JARID2: variants seen among roughly 807,000 people sequenced by gnomAD.
The protein encoded by JARID2 is protein Jumonji.
JARID2 carries 21 observed loss-of-function variants against 125.6 expected under a neutral mutation model. The ratio of observed to expected loss-of-function variants is 0.17; its 90% CI spans 0.12 to 0.24. The LOEUF is 0.24. Ranked by LOEUF, JARID2 falls within the 10% of genes least tolerant of loss-of-function variation. JARID2 has a pLI of 1.00. For missense variants in JARID2, 1,303 were observed against 1,639.6 expected (o/e 0.79, Z 3.55); for synonymous variants, 736 against 661.6 (o/e 1.11, Z -1.73).
At chr6:15,451,595 C>T (rs985491214) in intron 3 of JARID2, among the ~76,000 whole-genome samples, 3 of 152,052 alleles carry the variant, frequency 2.0e-5, no homozygotes, top group South Asian at 2.1e-4. Flanking sequence ...GTTAGATGGA[C>T]GTATAGGATG....
intron 1 of JARID2, among the ~76,000 whole-genome samples, chr6:15,267,598 C>G (rs937796059): frequency 1.3e-5 from 2 of 152,156 alleles, no homozygotes; most frequent in African/African-American, 2.4e-5. Context: ...TTGACTGTTT[C>G]AAGCCATGGC....
At chr6:15,404,663 A>T (rs1561840246) in intron 2 of JARID2, among the ~76,000 whole-genome samples, 1 of 152,210 alleles carries the variant, frequency 6.6e-6, no homozygotes. Flanking sequence ...ACAGGGTGAC[A>T]GACGGCATTG....
chr6:15,285,610 G>A (rs75156228), intron 1 of JARID2, among the ~76,000 whole-genome samples: 1,536 of 152,176 alleles, frequency 0.01, 31 homozygotes, highest in African/African-American at 0.034. Context: ...CAGATAGAGG[G>A]TATCATTGCT....
intron 1 of JARID2, among the ~76,000 whole-genome samples, chr6:15,292,177 C>T (rs867108741): frequency 1.3e-5 from 2 of 151,962 alleles, no homozygotes; most frequent in African/African-American, 2.4e-5. Flanking sequence ...CCACCTCGCC[C>T]GGCTAATTTT....
intron 1 of JARID2, among the ~76,000 whole-genome samples, chr6:15,270,468 C>T (rs973521417): frequency 6.6e-5 from 10 of 152,054 alleles, no homozygotes; most frequent in African/African-American, 2.4e-4. Context: ...GTATTTGATC[C>T]TATTGGTTAG....
intron 4 of JARID2, 44 bp downstream of exon 4, chr6:15,452,219 A>G (rs1318606077): frequency 1.9e-6 from 3 of 1,605,344 alleles, no homozygotes; most frequent in Non-Finnish European, 2.6e-6. Context: ...TGGAATCTAC[A>G]TGTAAGCCTG....
chr6:15,394,057 A>G (rs1242622665), intron 2 of JARID2, among the ~76,000 whole-genome samples: 2 of 152,112 alleles, frequency 1.3e-5, no homozygotes, highest in Admixed American at 1.3e-4. Context: ...ACTTCCGAGG[A>G]ATTTCTCATT....
At chr6:15,502,187 C>T (rs773773219) in intron 8 of JARID2, among the ~76,000 whole-genome samples, 1 of 152,232 alleles carries the variant, frequency 6.6e-6, no homozygotes, top group Non-Finnish European at 1.5e-5. Context: ...GGAGACTCGC[C>T]CCTCCAAGAA....
intron 1 of JARID2, among the ~76,000 whole-genome samples, chr6:15,334,452 G>GA (rs1198809439): frequency 6.6e-6 from 1 of 152,120 alleles, no homozygotes; most frequent in East Asian, 1.9e-4. Context: ...TATATACCTT[G>GA]AAGGAGTAAG....
intron 2 of JARID2, among the ~76,000 whole-genome samples, chr6:15,404,629 A>G (rs1030012001): frequency 5.3e-5 from 8 of 151,568 alleles, no homozygotes; most frequent in African/African-American, 1.9e-4. Context: ...TTGATATGTA[A>G]TGTGATAACC....
intron 16 of JARID2, among the ~76,000 whole-genome samples, chr6:15,515,561 A>G (rs1201584057): frequency 1.3e-5 from 2 of 152,152 alleles, no homozygotes; most frequent in Non-Finnish European, 2.9e-5. Flanking sequence ...AATGGTGGGC[A>G]GATCACTCGA....
At chr6:15,317,551 C>T (rs928339523) in intron 1 of JARID2, among the ~76,000 whole-genome samples, 7 of 151,884 alleles carry the variant, frequency 4.6e-5, no homozygotes, top group Non-Finnish European at 1.0e-4. Context: ...TGAGGTTGAA[C>T]TTCATCCGTA....
At chr6:15,455,321 G>T (rs1167507538) in intron 4 of JARID2, among the ~76,000 whole-genome samples, 1 of 151,204 alleles carries the variant, frequency 6.6e-6, no homozygotes, top group Non-Finnish European at 1.5e-5. Context: ...TGATGATTTT[G>T]TGATACATGT....
chr6:15,420,502 A>G (rs1002349438), intron 3 of JARID2, among the ~76,000 whole-genome samples: 3 of 152,162 alleles, frequency 2.0e-5, no homozygotes, highest in Admixed American at 6.5e-5. Context: ...GAGTACAGTT[A>G]CAAGAGATAT....
intron 1 of JARID2, among the ~76,000 whole-genome samples, chr6:15,329,566 G>A (rs1762638937): frequency 6.6e-6 from 1 of 152,184 alleles, no homozygotes; most frequent in Non-Finnish European, 1.5e-5. Flanking sequence ...ATTAGTTAAT[G>A]TCTCCCTTTC....
intron 4 of JARID2, among the ~76,000 whole-genome samples, chr6:15,455,819 TGCCCGGCGAAGCCAGGTTCTTTAAA>T (rs1364941595): frequency 6.6e-6 from 1 of 152,212 alleles, no homozygotes; most frequent in Non-Finnish European, 1.5e-5. Flanking sequence ...TGAGTCACCA[TGCCCGGCGAAGCCAGGTTCTTTAAA>T]GAGTAACTAT....
At chr6:15,385,714 A>C (rs543419425) in intron 2 of JARID2, among the ~76,000 whole-genome samples, 1 of 152,076 alleles carries the variant, frequency 6.6e-6, no homozygotes, top group South Asian at 2.1e-4. Context: ...CATGCCACCC[A>C]CGTCTCTGCC....
At chr6:15,512,490 G>A in intron 14 of JARID2, 100 bp downstream of exon 14, 3 of 1,083,876 alleles carry the variant, frequency 2.8e-6, no homozygotes, top group Non-Finnish European at 4.1e-6. Context: ...GTGTCTATTT[G>A]TCAATAGTTC....
chr6:15,462,074 T>C lies in JARID2; in HGVS notation c.494-6468T>C, dbSNP rs148453826. On this transcript the variant is annotated intron_variant, in intron 4 of 17. Coordinates refer to ENST00000341776, the MANE Select transcript of JARID2 (RefSeq NM_004973.4). ...CAGAAAGGACATTAAGTGAACGTTT[T>C]ACATTCATTTTAATTTTAACCATTA... Among the ~76,000 whole-genome samples the C allele has an allele frequency of 2.7e-3, 414 of 152,340 alleles. 4 individuals are homozygous for C. The highest frequency in any genetic ancestry group is 0.02 in the Admixed American group (311 of 15,302).
Sources: allele counts gnomAD v4.1 joint callset (sites outside exome capture counted in the v4.1 genomes callset), GRCh38; gene constraint gnomAD v4.1.1; transcripts MANE v1.5; gene names NCBI Gene and HGNC (gene_info 2026-07-23, HGNC 2026-07-21).